The following CSMD1 variants were observed in gnomAD, a reference collection of about 807,000 sequenced individuals.
CSMD1 encodes CUB and sushi domain-containing protein 1.
Under a neutral mutation model 417.5 loss-of-function variants are expected in CSMD1, and 213 were observed. The observed-to-expected ratio is 0.51, with a 90% CI of 0.46 to 0.57. CSMD1 has a LOEUF of 0.57. CSMD1 is among the 20% of genes least tolerant of loss of function. The pLI is 0.00. For missense variants in CSMD1, 6,923 were observed against 4,529.7 expected, an observed-to-expected ratio of 1.53 and a Z score of -15.17; for synonymous variants, 2,862 against 1,736.8, an observed-to-expected ratio of 1.65 and a Z score of -16.11.
At chr8:4,130,488 G>A (rs1390096576) in intron 3 of CSMD1, among the ~76,000 whole-genome samples, 1 of 152,202 alleles carries the variant, frequency 6.6e-6, no homozygotes, top group Non-Finnish European at 1.5e-5. Flanking sequence ...TGTACCCTGA[G>A]GCGAGTTGAT....
chr8:3,703,859 T>A (rs1380059247), intron 7 of CSMD1, among the ~76,000 whole-genome samples: 1 of 152,052 alleles, frequency 6.6e-6, no homozygotes, highest in Non-Finnish European at 1.5e-5. Flanking sequence ...TCACCTGAGG[T>A]CAGGAGTTTG....
At chr8:4,946,098 T>C (rs535957397) in intron 1 of CSMD1, among the ~76,000 whole-genome samples, 1 of 152,266 alleles carries the variant, frequency 6.6e-6, no homozygotes, top group South Asian at 2.1e-4. Context: ...CACACCCAGC[T>C]GTCTCTACGT....
chr8:3,090,408 T>A (rs954677653), intron 48 of CSMD1, among the ~76,000 whole-genome samples: 2 of 151,836 alleles, frequency 1.3e-5, no homozygotes, highest in East Asian at 3.9e-4. Context: ...TGCATCGATG[T>A]CTTTGCAGCA....
intron 2 of CSMD1, among the ~76,000 whole-genome samples, chr8:4,509,485 T>A (rs1007273622): frequency 2.0e-5 from 3 of 152,144 alleles, no homozygotes; most frequent in African/African-American, 7.2e-5. Flanking sequence ...AGCCATGGGA[T>A]TCTTACTAGA....
chr8:4,374,526 G>A (rs1040981672), intron 3 of CSMD1, among the ~76,000 whole-genome samples: 6 of 152,084 alleles, frequency 3.9e-5, no homozygotes, highest in African/African-American at 7.2e-5. Context: ...GATCTAGAGA[G>A]AAGAGGCTGG....
At chr8:4,019,230 A>C (rs992530604) in intron 4 of CSMD1, among the ~76,000 whole-genome samples, 2 of 152,190 alleles carry the variant, frequency 1.3e-5, no homozygotes, top group Admixed American at 1.3e-4. Context: ...CTCCTGGCTG[A>C]GTTAGGTCAG....
intron 5 of CSMD1, among the ~76,000 whole-genome samples, chr8:3,928,946 T>A (rs1359125630): frequency 6.6e-6 from 1 of 150,506 alleles, no homozygotes; most frequent in Non-Finnish European, 1.5e-5. Context: ...TGCAATAAAA[T>A]GAATGCTGTG....
At chr8:3,235,699 C>T (rs1017638373) in intron 26 of CSMD1, among the ~76,000 whole-genome samples, 1 of 152,158 alleles carries the variant, frequency 6.6e-6, no homozygotes, top group Admixed American at 6.6e-5. Context: ...GTGCCTTGCA[C>T]TAGTGGTTAC....
intron 3 of CSMD1, among the ~76,000 whole-genome samples, chr8:4,148,108 C>G (rs1359789277): frequency 1.3e-5 from 2 of 152,066 alleles, no homozygotes; most frequent in East Asian, 3.9e-4. Context: ...CAGATGGCAT[C>G]TTTGATGCGC....
At chr8:3,738,890 C>T (rs1286902082) in intron 6 of CSMD1, among the ~76,000 whole-genome samples, 1 of 152,176 alleles carries the variant, frequency 6.6e-6, no homozygotes, top group Admixed American at 6.5e-5. Context: ...CATTCATAGT[C>T]TCGAAATCTG....
intron 12 of CSMD1, among the ~76,000 whole-genome samples, chr8:3,452,293 T>A (rs576603406): frequency 6.6e-6 from 1 of 152,204 alleles, no homozygotes. Context: ...CTTTTCCTAA[T>A]TGAATACCCT....
rs546584516 is a variant in CSMD1, at chr8:3,643,109, T to A, written c.1010-26312A>T. Among the ~76,000 whole-genome samples, 10 of 151,904 alleles carry A rather than the reference T, an allele frequency of 6.6e-5. No homozygotes were observed. In the South Asian group the frequency reaches 2.1e-3, roughly 32 times the overall value. Reference sequence around the variant, plus strand: ...GAGACAGGCATGCAGCTTGTCAGGATTTCAAAAGACAATTTAACAGTCAGG... The same window carrying A: ...GAGACAGGCATGCAGCTTGTCAGGAATTCAAAAGACAATTTAACAGTCAGG... On this transcript the variant is annotated intron_variant, in intron 7 of 69. Transcript: ENST00000635120.
chr8:3,503,364 G>C (rs1359566835), intron 10 of CSMD1, among the ~76,000 whole-genome samples: 1 of 152,208 alleles, frequency 6.6e-6, no homozygotes, highest in East Asian at 1.9e-4. Flanking sequence ...GTAACTATAT[G>C]ACTATTAGCC....
chr8:4,863,962 T>G (rs189557490), intron 1 of CSMD1, among the ~76,000 whole-genome samples: 107 of 152,122 alleles, frequency 7.0e-4, no homozygotes, highest in Non-Finnish European at 1.2e-3. Context: ...TGTCAAGACA[T>G]GATTGAAAAA....
At chr8:3,233,314 A>G (rs73660620) in intron 26 of CSMD1, among the ~76,000 whole-genome samples, 10,310 of 152,258 alleles carry the variant, frequency 0.068, 433 homozygotes, top group East Asian at 0.2. Flanking sequence ...AGGAAGAGTG[A>G]CCTGAGCTGG....
intron 26 of CSMD1, among the ~76,000 whole-genome samples, chr8:3,236,924 A>T (rs1334914135): frequency 6.6e-6 from 1 of 152,034 alleles, no homozygotes; most frequent in Non-Finnish European, 1.5e-5. Flanking sequence ...GAAAATCTCA[A>T]GTCACAGAGG....
intron 5 of CSMD1, among the ~76,000 whole-genome samples, chr8:3,782,949 C>T (rs1487430170): frequency 2.0e-5 from 3 of 152,184 alleles, no homozygotes; most frequent in African/African-American, 7.2e-5. Flanking sequence ...GATCTAGCCT[C>T]TAAACCAAAT....
intron 67 of CSMD1, 26 bp downstream of exon 67, chr8:2,950,205 G>C (rs901672364): frequency 9.2e-6 from 13 of 1,408,262 alleles, no homozygotes; most frequent in East Asian, 2.3e-5. Context: ...CCTGTGCTTT[G>C]TCACAGACCT....
intron 5 of CSMD1, among the ~76,000 whole-genome samples, chr8:3,821,629 A>C (rs1171753681): frequency 1.3e-5 from 2 of 152,148 alleles, no homozygotes; most frequent in Non-Finnish European, 2.9e-5. Context: ...TAATAATACA[A>C]AAATTAGCCG....
Sources: allele counts gnomAD v4.1 joint callset (sites outside exome capture counted in the v4.1 genomes callset), GRCh38; gene constraint gnomAD v4.1.1; transcripts MANE v1.5; gene names NCBI Gene and HGNC (gene_info 2026-07-23, HGNC 2026-07-21).